NEBL: variants seen among roughly 807,000 people sequenced by gnomAD.
The protein encoded by NEBL is nebulette.
A neutral mutation model predicts 140.2 loss-of-function variants in NEBL; 122 were observed. That is an observed-to-expected ratio of 0.87 (90% CI 0.75 to 1.01). The LOEUF is 1.01. Ranked by LOEUF, NEBL falls within the 50% of genes least tolerant of loss-of-function variation. The probability of loss-of-function intolerance (pLI) is 0.00; values close to 1 mark genes in which losing one functional copy is unlikely to be tolerated. For synonymous variants in NEBL, 436 were observed against 398.9 expected (o/e 1.09, Z -1.11); for missense variants, 1,365 against 1,231.3 (o/e 1.11, Z -1.62).
chr10:21,125,941 G>T, intron 2 of NEBL: 1 of 1,614,170 alleles, frequency 6.2e-7, no homozygotes, highest in Non-Finnish European at 8.5e-7. Context: ...CAGCCTTGGG[G>T]ACTTGGCCCA....
chr10:20,910,457 G>A (rs1416208771), intron 4 of NEBL, among the ~76,000 whole-genome samples: 1 of 152,110 alleles, frequency 6.6e-6, no homozygotes, highest in Non-Finnish European at 1.5e-5. Context: ...TCTGTTTTTT[G>A]GCCTGGCAGT....
chr10:21,121,941 A>C (rs1838593130), intron 2 of NEBL, among the ~76,000 whole-genome samples: 1 of 152,178 alleles, frequency 6.6e-6, no homozygotes, highest in Admixed American at 6.5e-5. Context: ...ATATTAAGGA[A>C]GTTAACAGGT....
intron 3 of NEBL, chr10:21,247,734 T>G (rs546966669): frequency 6.6e-6 from 1 of 152,650 alleles, no homozygotes. Context: ...CAGAGTGTGG[T>G]GCTGTGACAC....
At chr10:20,924,238 T>A (rs1276785476) in intron 4 of NEBL, among the ~76,000 whole-genome samples, 2 of 151,880 alleles carry the variant, frequency 1.3e-5, no homozygotes, top group Non-Finnish European at 2.9e-5. Context: ...CAAACCTGTA[T>A]AATACACAGC....
intron 2 of NEBL, among the ~76,000 whole-genome samples, chr10:21,092,150 T>C (rs533816557): frequency 6.6e-6 from 1 of 152,330 alleles, no homozygotes; most frequent in South Asian, 2.1e-4. Flanking sequence ...TAAGCAGAAC[T>C]GGTCGTTATG....
At chr10:21,097,798 G>A (rs747767248) in intron 2 of NEBL, among the ~76,000 whole-genome samples, 12 of 152,270 alleles carry the variant, frequency 7.9e-5, no homozygotes, top group East Asian at 3.9e-4. Flanking sequence ...CCTGAAACAC[G>A]ACAGGAACCG....
In NEBL at chr10:21,189,204, T is replaced by C. The variant is rs183565606; in HGVS notation, n.349-16727A>G. ...TTATCTGGGTGGGCCCTAAATCAAA[T>C]GGCAAGGGTCCTCATAAGAGAAAGG... On this transcript the variant is annotated intron_variant and non_coding_transcript_variant, in intron 3 of 8. Transcript: ENST00000675702. Among the ~76,000 whole-genome samples, 335 of 152,092 alleles carry C rather than the reference T, an allele frequency of 2.2e-3. 3 individuals are homozygous for C. Among genetic ancestry groups the C allele is most frequent in the African/African-American group, 7.9e-3 (326 of 41,490 alleles).
chr10:20,855,626 A>C (rs917025772), intron 9 of NEBL, among the ~76,000 whole-genome samples: 5 of 152,120 alleles, frequency 3.3e-5, no homozygotes, highest in African/African-American at 1.2e-4. Flanking sequence ...TCCTAGTGGG[A>C]GATACACGGA....
chr10:21,193,647 C>T (rs1278739222), intron 3 of NEBL, among the ~76,000 whole-genome samples: 1 of 152,168 alleles, frequency 6.6e-6, no homozygotes, highest in Non-Finnish European at 1.5e-5. Flanking sequence ...ATTCCACAAC[C>T]TCATTTTGAG....
At chr10:21,159,367 C>G (rs1840461836) in intron 2 of NEBL, among the ~76,000 whole-genome samples, 1 of 152,162 alleles carries the variant, frequency 6.6e-6, no homozygotes, top group Non-Finnish European at 1.5e-5. Flanking sequence ...CACAGCCTTT[C>G]CTTCTTCCCC....
chr10:21,001,252 C>T (rs1323440838), intron 3 of NEBL, among the ~76,000 whole-genome samples: 1 of 152,130 alleles, frequency 6.6e-6, no homozygotes, highest in Non-Finnish European at 1.5e-5. Context: ...CAGGTGAAAA[C>T]AGGTACCTAG....
intron 1 of NEBL, among the ~76,000 whole-genome samples, chr10:21,289,581 G>A (rs1843114713): frequency 6.6e-6 from 1 of 152,082 alleles, no homozygotes; most frequent in Non-Finnish European, 1.5e-5. Context: ...GGGCCTTTAA[G>A]AGATTATCAC....
At chr10:21,186,257 A>AAC (rs765894739) in intron 3 of NEBL, among the ~76,000 whole-genome samples, 23,905 of 124,618 alleles carry the variant, frequency 0.19, 1,962 homozygotes, top group Non-Finnish European at 0.22. Flanking sequence ...TATATATACA[A>AAC]ACACACACAC....
At chr10:21,031,043 C>T (rs751794972) in intron 2 of NEBL, among the ~76,000 whole-genome samples, 15 of 152,220 alleles carry the variant, frequency 9.9e-5, no homozygotes, top group Admixed American at 2.0e-4. Context: ...GGAATGAGAA[C>T]AGAGTAGTAG....
chr10:20,978,115 T>A (rs1395139992), intron 3 of NEBL, among the ~76,000 whole-genome samples: 3 of 152,102 alleles, frequency 2.0e-5, no homozygotes, highest in Admixed American at 6.6e-5. Flanking sequence ...GAAATAGATA[T>A]GAAAAATAGA....
At chr10:21,184,985 T>C (rs1841442444) in intron 3 of NEBL, among the ~76,000 whole-genome samples, 1 of 152,310 alleles carries the variant, frequency 6.6e-6, no homozygotes, top group Non-Finnish European at 1.5e-5. Flanking sequence ...CTGTAAAGCA[T>C]GAGGGCTTTG....
intron 2 of NEBL, among the ~76,000 whole-genome samples, chr10:21,167,723 C>CA (rs1840842875): frequency 6.6e-6 from 1 of 152,204 alleles, no homozygotes; most frequent in Admixed American, 6.5e-5. Context: ...TGCTGGGTAG[C>CA]AAAATGTTTA....
chr10:21,165,758 T>C (rs1346189597), intron 2 of NEBL, among the ~76,000 whole-genome samples: 3 of 152,124 alleles, frequency 2.0e-5, no homozygotes, highest in African/African-American at 7.2e-5. Context: ...GAGACCTATG[T>C]GGTGACTGTG....
At chr10:20,966,296 A>C (rs1191023293) in intron 3 of NEBL, among the ~76,000 whole-genome samples, 7 of 152,250 alleles carry the variant, frequency 4.6e-5, no homozygotes, top group African/African-American at 1.7e-4. Context: ...CGCTAAAGCA[A>C]GAATCAAGAA....
Sources: gnomAD v4.1 joint callset for allele counts (sites outside exome capture counted in the v4.1 genomes callset) on GRCh38, gnomAD v4.1.1 for gene constraint, MANE v1.5 for transcripts, NCBI Gene and HGNC (gene_info 2026-07-23, HGNC 2026-07-21) for gene names.